LAMB4: variants seen among roughly 807,000 people sequenced by gnomAD.
LAMB4 encodes laminin subunit beta-4.
A neutral mutation model predicts 199.2 loss-of-function variants in LAMB4; 196 were observed. That is an observed-to-expected ratio of 0.98 (90% confidence interval 0.88 to 1.11). The LOEUF is 1.11. LAMB4 is among the 50% of genes least tolerant of loss of function. The pLI is 0.00. For missense variants in LAMB4, 2,080 were observed against 2,171.2 expected (o/e 0.96, Z 0.83); for synonymous variants, 744 against 770.6 (o/e 0.97, Z 0.57).
intron 23 of LAMB4, among the ~76,000 whole-genome samples, chr7:108,062,077 A>G (rs1243164989): frequency 6.6e-6 from 1 of 152,236 alleles, no homozygotes; most frequent in Non-Finnish European, 1.5e-5. Flanking sequence ...AGAATAGATT[A>G]AGCCAAAAGA....
the LAMB4 span, among the ~76,000 whole-genome samples, chr7:108,017,704 A>G: frequency 6.6e-6 from 1 of 152,206 alleles, no homozygotes; most frequent in Non-Finnish European, 1.5e-5. Context: ...GGAAAAGGTT[A>G]GGTTTGGGAG....
chr7:108,048,125 T>A lies in LAMB4; in HGVS notation c.4123-14A>T, dbSNP rs2035699129. 6.5e-7 allele frequency: 1 copy of A among 1,546,590 alleles called. No individual in the cohort carries two copies. The highest frequency in any genetic ancestry group is 1.4e-5 in the African/African-American group (1 of 72,640). On this transcript the variant is annotated splice_polypyrimidine_tract_variant and intron_variant, in intron 27 of 33. Transcript: ENST00000388781. ...ATCTCCGCACACCTTGCAAGAGAAA[T>A]GATTTACGTTAAATAGCAACTTGTT...
the LAMB4 span, among the ~76,000 whole-genome samples, chr7:108,014,419 G>T: frequency 4.0e-5 from 6 of 150,982 alleles, no homozygotes; most frequent in Non-Finnish European, 8.8e-5. Flanking sequence ...GTGCTCATAT[G>T]TTCCAATCAA....
intron 30 of LAMB4, among the ~76,000 whole-genome samples, chr7:108,037,077 C>T (rs1031654030): frequency 1.3e-5 from 2 of 151,958 alleles, no homozygotes; most frequent in African/African-American, 4.8e-5. Flanking sequence ...AATATTCCAA[C>T]CACCTGTTAA....
Position 108,034,317 on chromosome 7 carries a change from T to C in LAMB4, c.4709A>G (p.Asp1570Gly), listed in dbSNP as rs962015753. 5.0e-6 allele frequency: 8 copies of C among 1,611,350 alleles called. No homozygotes were observed. In the East Asian group the frequency reaches 1.1e-4, roughly 22 times the overall value. Residue 1570 changes from aspartate (D) to glycine (G), a missense_variant, in exon 31 of 34, where the codon GAC (aspartate) becomes GGC (glycine). Transcript: ENST00000388781. ...TTGTTGTAACTGGTTCAATGTTTTG[T>C]CAAGATTTAATAGAATATTTGCTGC... Reference protein sequence around the residue: ...EKAANILLNLDKTLNQLQQAQ... With the variant: ...EKAANILLNLGKTLNQLQQAQ...
intron 14 of LAMB4, among the ~76,000 whole-genome samples, chr7:108,082,888 T>C (rs1357636032): frequency 6.6e-6 from 1 of 152,174 alleles, no homozygotes; most frequent in Non-Finnish European, 1.5e-5. Context: ...ACCAGTCTTG[T>C]TTCTGCAGTC....
intron 14 of LAMB4, among the ~76,000 whole-genome samples, chr7:108,084,809 T>TTA (rs1491186922): frequency 9.6e-6 from 1 of 104,084 alleles, no homozygotes; most frequent in African/African-American, 3.6e-5. Context: ...TTTTTTTTTT[T>TTA]GAGACAGGGT....
At chr7:108,101,490 G>T (rs1306785144) in intron 10 of LAMB4, among the ~76,000 whole-genome samples, 3 of 152,174 alleles carry the variant, frequency 2.0e-5, no homozygotes, top group African/African-American at 7.2e-5. Flanking sequence ...TGATCTTGTT[G>T]CTTGCTATGC....
intron 25 of LAMB4, among the ~76,000 whole-genome samples, chr7:108,055,196 T>C (rs1354915021): frequency 6.6e-6 from 1 of 152,012 alleles, no homozygotes; most frequent in African/African-American, 2.4e-5. Flanking sequence ...TGTTTTTTTT[T>C]TTTTTTTGAG....
At chr7:108,019,804 G>C (rs2034651977), downstream of LAMB4, among the ~76,000 whole-genome samples, 1 of 152,004 alleles carries the variant, frequency 6.6e-6, no homozygotes, top group Non-Finnish European at 1.5e-5. Context: ...TTCTTGCCAG[G>C]GTCTGCTTTC....
Position 108,048,049 on chromosome 7 carries a change from C to T in LAMB4, c.4185G>A (p.Thr1395=), listed in dbSNP as rs752289466. 32 of 1,613,968 alleles carry T rather than the reference C, an allele frequency of 2.0e-5. No individual in the cohort carries two copies. Among genetic ancestry groups the T allele is most frequent in the Non-Finnish European group, 2.5e-5 (30 of 1,180,010 alleles). The change falls in exon 28 of 34, where the codon ACG becomes ACA. Residue 1395 remains threonine, a synonymous_variant. Coordinates refer to ENST00000388781, the MANE Select transcript of LAMB4 (RefSeq NM_007356.3). ...TACACTTCCTGTGCCCCTTCCGGCCCGTGCAGAGAGCACCGCCACAGGGCA... is the reference window on the plus strand; with the variant it reads ...TACACTTCCTGTGCCCCTTCCGGCCTGTGCAGAGAGCACCGCCACAGGGCA... The part of the protein sequence containing the change: ...VPLPCGGALC[T]GRKGHRKCRG...
chr7:108,064,078 C>T, intron 21 of LAMB4, 93 bp from the exon 22 acceptor site: 1 of 872,264 alleles, frequency 1.1e-6, no homozygotes, highest in Non-Finnish European at 1.9e-6. Context: ...TTATTGGGCT[C>T]CTCTAGGAAT....
chr7:108,062,687 TA>T, intron 23 of LAMB4, 86 bp downstream of exon 23: 1 of 749,156 alleles, frequency 1.3e-6, no homozygotes. Context: ...CAACAGTACA[TA>T]AAAGAAACTT....
chr7:108,038,146 A>G (rs898944319), intron 29 of LAMB4, among the ~76,000 whole-genome samples: 1 of 152,076 alleles, frequency 6.6e-6, no homozygotes, highest in East Asian at 1.9e-4. Flanking sequence ...ACATGTTAGT[A>G]GCATGTTATA....
At chr7:108,022,221 G>T (rs919171525), downstream of LAMB4, among the ~76,000 whole-genome samples, 3 of 152,174 alleles carry the variant, frequency 2.0e-5, no homozygotes, top group Admixed American at 1.3e-4. Context: ...AGCTACTGCT[G>T]GTTTTCAGTG....
chr7:108,039,542 C>T (rs945332440), intron 29 of LAMB4, among the ~76,000 whole-genome samples: 1 of 149,074 alleles, frequency 6.7e-6, no homozygotes, highest in Non-Finnish European at 1.5e-5. Flanking sequence ...GATCTCGGCT[C>T]ACTGCAACCT....
At chr7:108,026,942 A>G (rs1224308388) in intron 33 of LAMB4, 1 of 514,808 alleles carries the variant, frequency 1.9e-6, no homozygotes, top group East Asian at 5.5e-5. Flanking sequence ...AAAAGGCAGT[A>G]GAATGCCTTA....
rs2037985150 is a variant in LAMB4, at chr7:108,105,820, T to C, written c.867A>G (p.Gly289=). ...KMRGDVFSPP[G]MVHGQCVCQH... ...TTCTTTTGGATTAATAACTCACCATTCCAGGAGGGCTGAAAACATCTCCCC... is the reference window on the plus strand; with the variant it reads ...TTCTTTTGGATTAATAACTCACCATCCCAGGAGGGCTGAAAACATCTCCCC... The change falls in exon 8 of 34, where the codon GGA becomes GGG. Residue 289 remains glycine (G), a synonymous_variant. Transcript: ENST00000388781. The C allele has an allele frequency of 6.2e-7, 1 of 1,613,902 alleles. No homozygotes were observed. The highest frequency in any genetic ancestry group is 8.5e-7 in the Non-Finnish European group (1 of 1,179,878).
At chr7:108,103,614 C>A (rs764293343) in intron 9 of LAMB4, among the ~76,000 whole-genome samples, 23 of 152,198 alleles carry the variant, frequency 1.5e-4, no homozygotes, top group Non-Finnish European at 2.6e-4. Context: ...ATTCTGCATG[C>A]TCTGGGATTC....
Sources: allele counts gnomAD v4.1 joint callset (sites outside exome capture counted in the v4.1 genomes callset), GRCh38; gene constraint gnomAD v4.1.1; transcripts MANE v1.5; gene names NCBI Gene and HGNC (gene_info 2026-07-23, HGNC 2026-07-21).